Variants in MYLK4 observed in about 807,000 individuals in gnomAD.
MYLK4 encodes the protein caMLCK like.
A neutral mutation model predicts 48.1 loss-of-function variants in MYLK4; 46 were observed. That is an observed-to-expected ratio of 0.96 (90% confidence interval 0.75 to 1.22). MYLK4 has a LOEUF of 1.22. Ranked by LOEUF, MYLK4 falls within the 50% of genes most tolerant of loss-of-function variation. The pLI is 0.00. For synonymous variants in MYLK4, 170 were observed against 180.8 expected, an observed-to-expected ratio of 0.94 and a Z score of 0.48; for missense variants, 451 against 486.1, an observed-to-expected ratio of 0.93 and a Z score of 0.68.
At chr6:2,728,188 C>G (rs528634015) in intron 2 of MYLK4, among the ~76,000 whole-genome samples, 1 of 152,084 alleles carries the variant, frequency 6.6e-6, no homozygotes, top group Non-Finnish European at 1.5e-5. Flanking sequence ...AAACAAAGGT[C>G]CCAACAAATG....
At chr6:2,724,736 A>G (rs1419771673) in intron 2 of MYLK4, among the ~76,000 whole-genome samples, 1 of 152,222 alleles carries the variant, frequency 6.6e-6, no homozygotes, top group Non-Finnish European at 1.5e-5. Context: ...AATATTGTAC[A>G]TAGCACAGCA....
chr6:2,761,898 T>C, the MYLK4 span, among the ~76,000 whole-genome samples: 18 of 152,314 alleles, frequency 1.2e-4, no homozygotes, highest in African/African-American at 4.3e-4. Context: ...AATGGCATTA[T>C]ACTATATACA....
intron 2 of MYLK4, among the ~76,000 whole-genome samples, chr6:2,717,156 C>T (rs987627588): frequency 9.2e-5 from 14 of 152,114 alleles, no homozygotes; most frequent in Non-Finnish European, 7.3e-5. Context: ...CTTCCAGGAA[C>T]GTCTTGAGGA....
chr6:2,670,504 T>G (rs985348846), intron 12 of MYLK4, among the ~76,000 whole-genome samples: 2 of 152,230 alleles, frequency 1.3e-5, no homozygotes, highest in Non-Finnish European at 2.9e-5. Context: ...GCTGACTTGC[T>G]GCAGGGTCTA....
At chr6:2,744,814 GT>G (rs1353684775) in intron 2 of MYLK4, among the ~76,000 whole-genome samples, 1 of 152,204 alleles carries the variant, frequency 6.6e-6, no homozygotes, top group African/African-American at 2.4e-5. Context: ...CTTAAGCCAG[GT>G]TTTAAAAAGG....
chr6:2,756,748 A>G, the MYLK4 span, among the ~76,000 whole-genome samples: 20,989 of 152,260 alleles, frequency 0.14, 1,718 homozygotes, highest in East Asian at 0.32. Context: ...CTACAAGGTA[A>G]AATTCATACT....
chr6:2,752,170 C>T (rs964034809), upstream of MYLK4, among the ~76,000 whole-genome samples: 1 of 152,170 alleles, frequency 6.6e-6, no homozygotes, highest in African/African-American at 2.4e-5. Context: ...GAGCCAGAGG[C>T]CAGGAGAATC....
Position 2,685,391 on chromosome 6 carries a change from G to C in MYLK4, c.450C>G (p.Asn150Lys). ...RGMKDKEEVK[N>K]EISVMNQLDH... ...CCAGCTGGTTCATGACGCTGATCTCGTTCTTCACCTCCTCCTGAGAAGCAG... is the reference window on the plus strand; with the variant it reads ...CCAGCTGGTTCATGACGCTGATCTCCTTCTTCACCTCCTCCTGAGAAGCAG... The change falls in exon 6 of 13, where the codon AAC becomes AAG. Residue 150 changes from asparagine (N) to lysine (K), a missense_variant. Asn to Lys is a moderately conservative substitution (Grantham distance 94). Coordinates refer to ENST00000274643, the MANE Select transcript of MYLK4 (RefSeq NM_001012418.5). This position sits in a 1 kb window ranked among gnomAD's most constrained non-coding sequence, Gnocchi z 4.5. 6.8e-7 allele frequency: 1 copy of C among 1,460,872 alleles called. No homozygotes were observed. The highest frequency in any genetic ancestry group is 9.2e-7 in the Non-Finnish European group (1 of 1,082,236). The allele number at this position is 1,460,872 out of a possible 1,614,324, so 90.5% of individuals were successfully genotyped here.
At position 2,735,613 on chromosome 6, in the gene MYLK4, T is replaced by G. The variant is rs144187170; in HGVS notation, c.159+13523A>C. 1.3e-3 allele frequency among the ~76,000 whole-genome samples: 204 copies of G among 152,266 alleles called. 2 individuals are homozygous for G. The East Asian group carries it at 0.033, about 25-fold the overall frequency. ...AAAGAAATACAGAGAATGATCCCCA[T>G]GGGGACGGAGCTGCAGCTTTTCAGG... On this transcript the variant is annotated intron_variant, in intron 2 of 12. Coordinates refer to ENST00000274643, the MANE Select transcript of MYLK4 (RefSeq NM_001012418.5).
chr6:2,700,693 G>A (rs905877341), intron 2 of MYLK4, among the ~76,000 whole-genome samples: 8 of 152,068 alleles, frequency 5.3e-5, no homozygotes, highest in African/African-American at 1.9e-4. Context: ...GGGGCATCCT[G>A]GGAGGGCAAC....
the MYLK4 span, chr6:2,770,087 A>T: frequency 6.2e-7 from 1 of 1,611,878 alleles, no homozygotes; most frequent in South Asian, 1.1e-5. Flanking sequence ...TGTTGACTGG[A>T]ATCACTTTTT....
chr6:2,768,053 A>G, the MYLK4 span, among the ~76,000 whole-genome samples: 28 of 152,262 alleles, frequency 1.8e-4, no homozygotes, highest in African/African-American at 6.7e-4. Flanking sequence ...CAGCATATAC[A>G]TATTTGTTGA....
intron 2 of MYLK4, among the ~76,000 whole-genome samples, chr6:2,723,374 T>C (rs1316715391): frequency 6.6e-6 from 1 of 152,236 alleles, no homozygotes; most frequent in African/African-American, 2.4e-5. Context: ...AAACTTTCTG[T>C]TCTCCATATT....
chr6:2,702,955 T>C (rs1561852080), intron 2 of MYLK4, among the ~76,000 whole-genome samples: 1 of 152,212 alleles, frequency 6.6e-6, no homozygotes, highest in African/African-American at 2.4e-5. Context: ...TTTGTTTGAT[T>C]GTGGACGTGG....
chr6:2,730,305 T>G (rs1229503340), intron 2 of MYLK4, among the ~76,000 whole-genome samples: 1 of 152,258 alleles, frequency 6.6e-6, no homozygotes, highest in South Asian at 2.1e-4. Flanking sequence ...CTTTTAATTT[T>G]GTGCCTGCTG....
At chr6:2,756,209 C>G in the MYLK4 span, among the ~76,000 whole-genome samples, 8 of 152,238 alleles carry the variant, frequency 5.3e-5, no homozygotes, top group Non-Finnish European at 8.8e-5. Flanking sequence ...TAAAGAAGAG[C>G]TTTCCATCCC....
the MYLK4 span, among the ~76,000 whole-genome samples, chr6:2,768,516 T>G: frequency 6.6e-6 from 1 of 152,218 alleles, no homozygotes; most frequent in African/African-American, 2.4e-5. Context: ...ATATTTTTGT[T>G]GTTGTTGTTT....
upstream of MYLK4, among the ~76,000 whole-genome samples, chr6:2,752,864 G>A (rs958300424): frequency 6.6e-6 from 1 of 152,156 alleles, no homozygotes; most frequent in Non-Finnish European, 1.5e-5. Context: ...CTGATTGTCT[G>A]GTTCTGCTGC....
chr6:2,715,366 C>A (rs538893809), intron 2 of MYLK4, among the ~76,000 whole-genome samples: 2 of 151,946 alleles, frequency 1.3e-5, no homozygotes, highest in Non-Finnish European at 2.9e-5. Context: ...TACTTAGCAT[C>A]ATTGAATTGG....
Sources: allele counts gnomAD v4.1 joint callset (sites outside exome capture counted in the v4.1 genomes callset), GRCh38; gene constraint gnomAD v4.1.1; non-coding constraint Gnocchi (gnomAD v3.1); transcripts MANE v1.5; gene names NCBI Gene and HGNC (gene_info 2026-07-23, HGNC 2026-07-21).